The following ADGRL3 variants were observed in gnomAD, a reference collection of about 807,000 sequenced individuals.
ADGRL3 encodes the protein adhesion G protein-coupled receptor L3.
In ADGRL3, 62 loss-of-function variants were observed where a neutral mutation model predicts 153.5. That is an observed-to-expected ratio of 0.40 (90% CI 0.33 to 0.50). The LOEUF is 0.50. Among genes scored for constraint, ADGRL3 ranks in the 20% least tolerant of loss-of-function variants. The probability of loss-of-function intolerance (pLI) is 0.47; values close to 1 mark genes in which losing one functional copy is unlikely to be tolerated. For synonymous variants in ADGRL3, 710 were observed against 672.5 expected (o/e 1.06, Z -0.86); for missense variants, 1,641 against 1,859.4 (o/e 0.88, Z 2.16).
At chr4:61,301,318 G>T (rs899861242) in intron 1 of ADGRL3, among the ~76,000 whole-genome samples, 6 of 152,184 alleles carry the variant, frequency 3.9e-5, no homozygotes, top group Non-Finnish European at 8.8e-5. Context: ...AGCCAGCAAT[G>T]AGAAGATTGG....
chr4:61,826,100 C>A (rs1468389033), intron 9 of ADGRL3, among the ~76,000 whole-genome samples: 1 of 151,192 alleles, frequency 6.6e-6, no homozygotes, highest in Admixed American at 6.6e-5. Context: ...ATGGACTTTA[C>A]CTTGTAGTGG....
At chr4:61,578,949 G>T (rs976408534) in intron 4 of ADGRL3, among the ~76,000 whole-genome samples, 1 of 152,018 alleles carries the variant, frequency 6.6e-6, no homozygotes, top group Non-Finnish European at 1.5e-5. Flanking sequence ...CTGGGTCATC[G>T]GCCTATCTCT....
chr4:61,782,412 G>A (rs967007646), intron 8 of ADGRL3, among the ~76,000 whole-genome samples: 10 of 152,148 alleles, frequency 6.6e-5, no homozygotes, highest in African/African-American at 2.2e-4. Context: ...TGGTAATGAA[G>A]AAGTTAATTA....
chr4:62,063,259 TA>T (rs1379896512), intron 25 of ADGRL3, among the ~76,000 whole-genome samples: 3 of 152,136 alleles, frequency 2.0e-5, no homozygotes, highest in Non-Finnish European at 4.4e-5. Flanking sequence ...TTGGGAAAGA[TA>T]AAACCTTAAA....
intron 5 of ADGRL3, among the ~76,000 whole-genome samples, chr4:61,628,206 GAC>G (rs2149969585): frequency 6.6e-6 from 1 of 152,168 alleles, no homozygotes; most frequent in Non-Finnish European, 1.5e-5. Context: ...AAAAAAAACT[GAC>G]ACAGAGAGGT....
intron 21 of ADGRL3, among the ~76,000 whole-genome samples, chr4:62,013,175 G>A (rs915726687): frequency 2.6e-5 from 4 of 152,056 alleles, no homozygotes; most frequent in Non-Finnish European, 5.9e-5. Context: ...GATGGGGAAC[G>A]GGAAATCATA....
At chr4:61,757,334 C>G (rs1046614253) in intron 8 of ADGRL3, among the ~76,000 whole-genome samples, 4 of 152,078 alleles carry the variant, frequency 2.6e-5, no homozygotes, top group African/African-American at 9.7e-5. Context: ...CAACTTTTTC[C>G]TGGTTTAGTC....
At chr4:61,762,646 T>A (rs1196007653) in intron 8 of ADGRL3, among the ~76,000 whole-genome samples, 3 of 152,138 alleles carry the variant, frequency 2.0e-5, no homozygotes, top group Non-Finnish European at 4.4e-5. Flanking sequence ...GCTCTTCTAA[T>A]ATTGAGAAAA....
At chr4:61,796,160 G>T (rs905357789) in intron 8 of ADGRL3, among the ~76,000 whole-genome samples, 4 of 152,104 alleles carry the variant, frequency 2.6e-5, no homozygotes, top group African/African-American at 9.7e-5. Context: ...ATTGTAGTTT[G>T]CATCCCAACA....
chr4:61,906,662 A>T (rs774023173), intron 11 of ADGRL3, among the ~76,000 whole-genome samples: 3 of 152,086 alleles, frequency 2.0e-5, no homozygotes, highest in African/African-American at 7.2e-5. Context: ...ATAGTAGTTT[A>T]TGGAGGTGAT....
chr4:61,330,896 C>T (rs1275113517), intron 1 of ADGRL3, among the ~76,000 whole-genome samples: 1 of 152,158 alleles, frequency 6.6e-6, no homozygotes, highest in Non-Finnish European at 1.5e-5. Context: ...CACAAAAGTT[C>T]TCCAAGCCCC....
chr4:61,963,910 T>C (rs2098997218), intron 17 of ADGRL3, among the ~76,000 whole-genome samples: 1 of 152,188 alleles, frequency 6.6e-6, no homozygotes, highest in African/African-American at 2.4e-5. Flanking sequence ...GATCCTAAAA[T>C]GTGGACACTG....
At chr4:61,957,281 T>A (rs2150420626) in intron 17 of ADGRL3, among the ~76,000 whole-genome samples, 1 of 152,316 alleles carries the variant, frequency 6.6e-6, no homozygotes, top group South Asian at 2.1e-4. Context: ...CTAGGTATTT[T>A]ATTCTCTGTG....
chr4:61,723,697 C>G (rs765836507), intron 6 of ADGRL3, among the ~76,000 whole-genome samples: 4 of 152,090 alleles, frequency 2.6e-5, no homozygotes, highest in African/African-American at 2.4e-5. Context: ...TATGTGGTGA[C>G]TAGAAGAGGG....
At chr4:61,578,267 C>T (rs2098902734) in intron 4 of ADGRL3, among the ~76,000 whole-genome samples, 2 of 151,920 alleles carry the variant, frequency 1.3e-5, no homozygotes. Flanking sequence ...TTGTCTAAGC[C>T]ACGGTTTGGT....
intron 9 of ADGRL3, among the ~76,000 whole-genome samples, chr4:61,818,343 G>C (rs971309472): frequency 1.3e-5 from 2 of 152,150 alleles, no homozygotes; most frequent in African/African-American, 4.8e-5. Flanking sequence ...TGATGCAAGA[G>C]GTGGGTTGTC....
At chr4:61,952,303 C>A (rs1422452873) in intron 17 of ADGRL3, among the ~76,000 whole-genome samples, 1 of 151,774 alleles carries the variant, frequency 6.6e-6, no homozygotes, top group East Asian at 2.0e-4. Flanking sequence ...ATAGTGAAAC[C>A]TCATCTCTAT....
At chr4:61,612,350 G>C (rs967373111) in intron 5 of ADGRL3, among the ~76,000 whole-genome samples, 2 of 152,074 alleles carry the variant, frequency 1.3e-5, no homozygotes, top group African/African-American at 4.8e-5. Context: ...ATGATAGTCT[G>C]CTAAATGGCT....
chr4:62,052,720 C>A (rs1030304194), intron 25 of ADGRL3, among the ~76,000 whole-genome samples: 4 of 150,822 alleles, frequency 2.7e-5, no homozygotes, highest in African/African-American at 7.3e-5. Flanking sequence ...TTGGTGAGGG[C>A]AAAGATTATG....
Sources: allele counts gnomAD v4.1 joint callset (sites outside exome capture counted in the v4.1 genomes callset), GRCh38; gene constraint gnomAD v4.1.1; transcripts MANE v1.5; gene names NCBI Gene and HGNC (gene_info 2026-07-23, HGNC 2026-07-21).